SLC9A9: variants seen among roughly 807,000 people sequenced by gnomAD.
SLC9A9 encodes the protein sodium/hydrogen exchanger 9.
SLC9A9 carries 62 observed loss-of-function variants against 77.8 expected under a neutral mutation model. The observed-to-expected ratio is 0.80, with a 90% confidence interval of 0.65 to 0.98. The LOEUF (loss-of-function observed/expected upper bound fraction) is 0.98. SLC9A9 is among the 50% of genes least tolerant of loss of function. The pLI is 0.00. For synonymous variants in SLC9A9, 320 were observed against 283.5 expected (o/e 1.13, Z -1.29); for missense variants, 775 against 774.9 (o/e 1.00, Z 0.00).
chr3:143,799,299 A>G (rs112079531), intron 2 of SLC9A9, among the ~76,000 whole-genome samples: 4,049 of 152,206 alleles, frequency 0.027, 86 homozygotes, highest in Non-Finnish European at 0.041. Flanking sequence ...TTATTACCCA[A>G]TCCTCTCCCA....
At chr3:143,407,161 T>G (rs1011602687) in intron 12 of SLC9A9, among the ~76,000 whole-genome samples, 6 of 152,340 alleles carry the variant, frequency 3.9e-5, no homozygotes, top group East Asian at 3.9e-4. Flanking sequence ...ATATTCTCTT[T>G]GTAGTCTACT....
intron 6 of SLC9A9, among the ~76,000 whole-genome samples, chr3:143,642,729 T>C (rs753560802): frequency 9.2e-5 from 14 of 152,262 alleles, no homozygotes; most frequent in Admixed American, 2.0e-4. Context: ...ATCTCTTAAC[T>C]AGCCTTTCAT....
intron 4 of SLC9A9, among the ~76,000 whole-genome samples, chr3:143,751,926 C>T (rs980296745): frequency 6.6e-6 from 1 of 152,154 alleles, no homozygotes; most frequent in Admixed American, 6.5e-5. Flanking sequence ...GGGCCTGGGG[C>T]ATCCTCAGTG....
At chr3:143,688,169 T>C (rs1933336987) in intron 5 of SLC9A9, among the ~76,000 whole-genome samples, 1 of 152,022 alleles carries the variant, frequency 6.6e-6, no homozygotes, top group Non-Finnish European at 1.5e-5. Context: ...CAGGCTGATC[T>C]AGAACTCTTG....
At chr3:143,527,706 C>A (rs1165335619) in intron 9 of SLC9A9, among the ~76,000 whole-genome samples, 1 of 152,220 alleles carries the variant, frequency 6.6e-6, no homozygotes, top group Non-Finnish European at 1.5e-5. Context: ...ACTCAAGACT[C>A]TTCAAGACTT....
intron 14 of SLC9A9, among the ~76,000 whole-genome samples, chr3:143,288,660 C>G (rs1375146957): frequency 6.6e-6 from 1 of 152,160 alleles, no homozygotes; most frequent in South Asian, 2.1e-4. Context: ...ATCTACCAAG[C>G]AGAGCCCTAT....
intron 6 of SLC9A9, among the ~76,000 whole-genome samples, chr3:143,615,302 A>G (rs1049576872): frequency 6.6e-6 from 1 of 152,230 alleles, no homozygotes; most frequent in African/African-American, 2.4e-5. Flanking sequence ...CTATCCTTCC[A>G]AGAATAGTTC....
intron 9 of SLC9A9, among the ~76,000 whole-genome samples, chr3:143,546,884 T>C (rs1042674474): frequency 2.0e-5 from 3 of 152,238 alleles, no homozygotes; most frequent in African/African-American, 7.2e-5. Flanking sequence ...TCAGCAAAAC[T>C]CCGTTGAAGG....
chr3:143,688,777 ACC>A, intron 5 of SLC9A9, among the ~76,000 whole-genome samples: 1 of 151,930 alleles, frequency 6.6e-6, no homozygotes, highest in Admixed American at 6.6e-5. Context: ...CTTTCAATCA[ACC>A]TCTCATACCA....
At chr3:143,340,823 T>C (rs2032075881) in intron 14 of SLC9A9, among the ~76,000 whole-genome samples, 1 of 152,228 alleles carries the variant, frequency 6.6e-6, no homozygotes, top group South Asian at 2.1e-4. Flanking sequence ...TTATGTGCTC[T>C]TTCTAGAATG....
intron 4 of SLC9A9, among the ~76,000 whole-genome samples, chr3:143,733,842 AT>A (rs1444815256): frequency 1.3e-5 from 2 of 151,374 alleles, no homozygotes; most frequent in Non-Finnish European, 2.9e-5. Context: ...AATGTAGACT[AT>A]CCCCAAGAAA....
chr3:143,513,364 A>T (rs1229425323), intron 9 of SLC9A9, among the ~76,000 whole-genome samples: 2 of 152,224 alleles, frequency 1.3e-5, no homozygotes, highest in Non-Finnish European at 2.9e-5. Context: ...CATAAGAAAC[A>T]ACTCATCTGT....
At chr3:143,742,386 C>T (rs1935094424) in intron 4 of SLC9A9, among the ~76,000 whole-genome samples, 1 of 152,186 alleles carries the variant, frequency 6.6e-6, no homozygotes, top group African/African-American at 2.4e-5. Context: ...ATTACTCTTT[C>T]TCTACTGCAA....
At chr3:143,699,938 TGAGGA>T (rs1254071782) in intron 4 of SLC9A9, among the ~76,000 whole-genome samples, 2 of 151,494 alleles carry the variant, frequency 1.3e-5, no homozygotes, top group Non-Finnish European at 2.9e-5. Context: ...TCCTTCTGCT[TGAGGA>T]GAGGAGAGAG....
At chr3:143,557,862 AT>A (rs2037014407) in intron 8 of SLC9A9, among the ~76,000 whole-genome samples, 1 of 152,274 alleles carries the variant, frequency 6.6e-6, no homozygotes, top group African/African-American at 2.4e-5. Flanking sequence ...ATAGAAAAAA[AT>A]AAAACCATTT....
chr3:143,756,910 T>C (rs899730517), intron 4 of SLC9A9, among the ~76,000 whole-genome samples: 8 of 152,224 alleles, frequency 5.3e-5, no homozygotes, highest in African/African-American at 1.9e-4. Context: ...TAAATGCTTC[T>C]GTTTTTATTT....
At chr3:143,451,628 C>CA (rs778398272) in intron 12 of SLC9A9, among the ~76,000 whole-genome samples, 1,568 of 150,938 alleles carry the variant, frequency 0.01, 11 homozygotes, top group Non-Finnish European at 0.017. Context: ...CACCGATAAC[C>CA]AAAAATAAAG....
At chr3:143,545,815 T>C (rs990249329) in intron 9 of SLC9A9, among the ~76,000 whole-genome samples, 1 of 152,210 alleles carries the variant, frequency 6.6e-6, no homozygotes, top group Admixed American at 6.5e-5. Flanking sequence ...GTGTACCCAG[T>C]GATTTGGCCT....
intron 2 of SLC9A9, among the ~76,000 whole-genome samples, chr3:143,828,697 T>C (rs2009361689): frequency 6.6e-6 from 1 of 152,110 alleles, no homozygotes; most frequent in Non-Finnish European, 1.5e-5. Context: ...AGGAGGCTGA[T>C]ATTCAAAGGG....
Sources: allele counts gnomAD v4.1 joint callset (sites outside exome capture counted in the v4.1 genomes callset), GRCh38; gene constraint gnomAD v4.1.1; transcripts MANE v1.5; gene names NCBI Gene and HGNC (gene_info 2026-07-23, HGNC 2026-07-21).